The following PHF2 variants were observed in gnomAD, a reference collection of about 807,000 sequenced individuals.
PHF2 encodes the protein lysine-specific demethylase PHF2.
A neutral mutation model predicts 120.5 loss-of-function variants in PHF2; 27 were observed. The observed-to-expected ratio is 0.22, with a 90% CI of 0.17 to 0.31. The LOEUF (loss-of-function observed/expected upper bound fraction) is 0.31. Among genes scored for constraint, PHF2 ranks in the 10% least tolerant of loss-of-function variants. PHF2 has a pLI of 1.00. For synonymous variants in PHF2, 568 were observed against 592.5 expected (o/e 0.96, Z 0.60); for missense variants, 1,024 against 1,434.8 (o/e 0.71, Z 4.63).
intron 1 of PHF2, among the ~76,000 whole-genome samples, chr9:93,602,013 G>A (rs999232956): frequency 6.6e-6 from 1 of 152,000 alleles, no homozygotes; most frequent in Non-Finnish European, 1.5e-5. Context: ...CCTCTCTGGA[G>A]CTCTTTTTCA....
chr9:93,633,900 T>C (rs1444536791), intron 2 of PHF2, among the ~76,000 whole-genome samples: 10 of 152,042 alleles, frequency 6.6e-5, no homozygotes, highest in Admixed American at 2.6e-4. Context: ...TTCTTTGATC[T>C]CCTCAGCCAG....
intron 17 of PHF2, among the ~76,000 whole-genome samples, chr9:93,671,628 A>G (rs1325116767): frequency 5.7e-4 from 58 of 100,976 alleles, no homozygotes; most frequent in Admixed American, 6.7e-4. Flanking sequence ...GTGGGTGTGG[A>G]TGTAGGTACA....
At chr9:93,639,729 C>T (rs1826146840) in intron 3 of PHF2, among the ~76,000 whole-genome samples, 1 of 152,194 alleles carries the variant, frequency 6.6e-6, no homozygotes, top group South Asian at 2.1e-4. Context: ...CAGCCCCCAC[C>T]TCTTGGCATT....
At position 93,675,008 on chromosome 9, in the gene PHF2, C is replaced by T; in HGVS notation, c.2708C>T (p.Pro903Leu). ...AAAAGGAAAGGCTCAGACGACGCTC[C>T]CTACAGCCCAACAGGTAGTGCTGGG... ...SKKRKGSDDA[P>L]YSPTARVGPS... The change falls in exon 19 of 22, where the codon CCC becomes CTC. Residue 903 changes from proline to leucine, a missense_variant. Transcript: ENST00000359246. 6.2e-7 allele frequency: 1 copy of T among 1,613,678 alleles called. No homozygotes were observed. Among genetic ancestry groups the T allele is most frequent in the Non-Finnish European group, 8.5e-7 (1 of 1,179,890 alleles).
intron 1 of PHF2, among the ~76,000 whole-genome samples, chr9:93,589,933 A>G (rs1353427731): frequency 6.6e-6 from 1 of 152,112 alleles, no homozygotes; most frequent in African/African-American, 2.4e-5. Context: ...TCCAGCAAAC[A>G]TGCTCCTCCT....
chr9:93,578,578 GCCCACACT>G lies in PHF2; in HGVS notation c.98+1709_98+1716del, dbSNP rs532232819. On this transcript the variant is annotated intron_variant, in intron 1 of 21. Transcript: ENST00000359246. ...GCACCTGTGTCAGCTCCTGGCTGCT[GCCCACACT>G]CGGGGCCCAGAGTAGGGAGAGTGAG... is the stretch of plus-strand genomic sequence containing the variant. 1.8e-4 allele frequency among the ~76,000 whole-genome samples: 27 copies of G among 152,334 alleles called. No individual in the cohort carries two copies. The South Asian group carries it at 5.0e-3, about 28-fold the overall frequency.
At position 93,678,978 on chromosome 9, in the gene PHF2, C is replaced by G. The variant is rs1029804389; in HGVS notation, c.*1302C>G. 1 of 311,518 alleles carries G rather than the reference C, an allele frequency of 3.2e-6. No homozygotes were observed. The highest frequency in any genetic ancestry group is 4.9e-5 in the Admixed American group (1 of 20,528). 19.3% of individuals were successfully genotyped at this position (311,518 alleles called of 1,614,324 possible). Reference sequence around the variant, plus strand: ...CAGAAGCAAATAGTACACAAAAGATCTATTTCAGACACATTTTGAAGATGA... The same window carrying G: ...CAGAAGCAAATAGTACACAAAAGATGTATTTCAGACACATTTTGAAGATGA... On this transcript the variant is annotated 3_prime_UTR_variant, in exon 22 of 22. Transcript: ENST00000359246.
intron 1 of PHF2, among the ~76,000 whole-genome samples, chr9:93,607,943 G>GAGAGAGAC (rs1262296020): frequency 4.2e-5 from 6 of 143,420 alleles, no homozygotes; most frequent in Non-Finnish European, 7.6e-5. Context: ...AAAGAGATGA[G>GAGAGAGAC]AGAGAGAGAG....
intron 1 of PHF2, among the ~76,000 whole-genome samples, chr9:93,619,984 C>G (rs1435827838): frequency 6.6e-6 from 1 of 152,182 alleles, no homozygotes; most frequent in Admixed American, 6.5e-5. Flanking sequence ...GAAGCAGAAG[C>G]CCTGCTTAGC....
intron 1 of PHF2, among the ~76,000 whole-genome samples, chr9:93,596,221 A>G (rs12340447): frequency 1.2e-4 from 19 of 152,214 alleles, no homozygotes; most frequent in Non-Finnish European, 2.2e-4. Flanking sequence ...CCCTGTTTCT[A>G]TTGGGACCCC....
chr9:93,641,192 A>G (rs1826166993), intron 3 of PHF2, among the ~76,000 whole-genome samples: 1 of 152,170 alleles, frequency 6.6e-6, no homozygotes, highest in East Asian at 1.9e-4. Flanking sequence ...AGGTCGCCAA[A>G]TGCTTTCCCC....
At chr9:93,675,074 G>A in intron 19 of PHF2, 52 bp downstream of exon 19, 1 of 1,435,986 alleles carries the variant, frequency 7.0e-7, no homozygotes, top group Non-Finnish European at 9.8e-7. Flanking sequence ...TGTGGAAGCT[G>A]TGACTTTGTC....
chr9:93,658,271 G>T, intron 10 of PHF2, 35 bp downstream of exon 10: 1 of 1,545,188 alleles, frequency 6.5e-7, no homozygotes, highest in South Asian at 1.1e-5. Context: ...TAGGGCAGGA[G>T]AGCAGTGACA....
At chr9:93,608,187 T>C (rs2131623884) in intron 1 of PHF2, among the ~76,000 whole-genome samples, 1 of 152,168 alleles carries the variant, frequency 6.6e-6, no homozygotes, top group South Asian at 2.1e-4. Context: ...GTGGGAAAGC[T>C]TCAAGTAATC....
At chr9:93,579,517 C>T (rs776985585) in intron 1 of PHF2, among the ~76,000 whole-genome samples, 9 of 152,214 alleles carry the variant, frequency 5.9e-5, no homozygotes, top group Non-Finnish European at 1.3e-4. Context: ...CAGTGTTCCC[C>T]ACTTAATGTC....
chr9:93,603,036 G>A (rs902126422), intron 1 of PHF2, among the ~76,000 whole-genome samples: 3 of 151,076 alleles, frequency 2.0e-5, no homozygotes, highest in African/African-American at 7.3e-5. Flanking sequence ...GGAGGTGGGG[G>A]CCAAGAAATG....
intron 11 of PHF2, 121 bp downstream of exon 11, chr9:93,659,721 C>T (rs768062608): frequency 2.3e-6 from 2 of 857,756 alleles, no homozygotes; most frequent in Non-Finnish European, 3.7e-6. Context: ...GCCAGTGCCC[C>T]AGATGGTCCT....
At chr9:93,579,719 C>T (rs773020790) in intron 1 of PHF2, among the ~76,000 whole-genome samples, 17 of 152,246 alleles carry the variant, frequency 1.1e-4, no homozygotes, top group Admixed American at 2.0e-4. Flanking sequence ...CCTGTGGCCA[C>T]ATCACATTCT....
chr9:93,647,310 A>T (rs1826278157), intron 4 of PHF2, among the ~76,000 whole-genome samples: 1 of 152,142 alleles, frequency 6.6e-6, no homozygotes, highest in Admixed American at 6.5e-5. Flanking sequence ...CTGCCCTGCC[A>T]CCAAGGCCCT....
Sources: gnomAD v4.1 joint callset for allele counts (sites outside exome capture counted in the v4.1 genomes callset) on GRCh38, gnomAD v4.1.1 for gene constraint, MANE v1.5 for transcripts, NCBI Gene and HGNC (gene_info 2026-07-23, HGNC 2026-07-21) for gene names.